The following COL4A5 variants were observed in gnomAD, a reference collection of about 807,000 sequenced individuals.
COL4A5 encodes collagen alpha-5(IV) chain.
COL4A5 carries 26 observed loss-of-function variants against 130.2 expected under a neutral mutation model. The ratio of observed to expected loss-of-function variants is 0.20; its 90% CI spans 0.15 to 0.28. The LOEUF is 0.28. Among genes scored for constraint, COL4A5 ranks in the 10% least tolerant of loss-of-function variants. The probability of loss-of-function intolerance (pLI) is 1.00; values close to 1 mark genes in which losing one functional copy is unlikely to be tolerated. For missense variants in COL4A5, 1,131 were observed against 1,344.3 expected (o/e 0.84, Z 2.48); for synonymous variants, 496 against 439.6 (o/e 1.13, Z -1.60).
At chrX:108,492,372 A>C (rs2065000330) in intron 1 of COL4A5, among the ~76,000 whole-genome samples, 1 of 112,062 alleles carries the variant, frequency 8.9e-6, no homozygotes, top group Non-Finnish European at 1.9e-5. Context: ...AGTTTAGAAA[A>C]AGTCACTAAA....
At chrX:108,640,276 T>TAA (rs2147901988) in intron 36 of COL4A5, among the ~76,000 whole-genome samples, 1 of 111,669 alleles carries the variant, frequency 9.0e-6, no homozygotes, top group African/African-American at 3.2e-5. Context: ...CTAAGTGAAA[T>TAA]AAGCCAGTTA....
intron 28 of COL4A5, among the ~76,000 whole-genome samples, chrX:108,605,300 A>G (rs2066712241): frequency 9.0e-6 from 1 of 111,731 alleles, no homozygotes; most frequent in African/African-American, 3.3e-5. Context: ...TTGTTGTGTT[A>G]TTAATTGGCC....
At chrX:108,526,653 T>TTTC (rs1569481185) in intron 1 of COL4A5, among the ~76,000 whole-genome samples, 9 of 63,193 alleles carry the variant, frequency 1.4e-4, no homozygotes, top group East Asian at 5.3e-4. Flanking sequence ...TCTTTCTTTC[T>TTTC]TTCTTTCTTC....
chrX:108,605,512 T>C (rs1252061273), intron 28 of COL4A5, among the ~76,000 whole-genome samples: 4 of 111,847 alleles, frequency 3.6e-5, no homozygotes, highest in East Asian at 2.8e-4. Context: ...ATAACAGATA[T>C]AATAATAATT....
chrX:108,473,633 A>ATTTTTTT (rs1203616884), intron 1 of COL4A5, among the ~76,000 whole-genome samples: 18 of 34,554 alleles, frequency 5.2e-4, no homozygotes, highest in African/African-American at 1.2e-3. Flanking sequence ...ATATATATAT[A>ATTTTTTT]TTTTTTTTTT....
chrX:108,687,423 T>C, intron 48 of COL4A5, 59 bp from the exon 49 acceptor site: 1 of 973,368 alleles, frequency 1.0e-6, no homozygotes, highest in South Asian at 1.9e-5. Flanking sequence ...TTTGTCAATA[T>C]CCATAAGAGT....
chrX:108,599,078 A>T (rs1265642541), intron 25 of COL4A5, among the ~76,000 whole-genome samples: 1 of 111,288 alleles, frequency 9.0e-6, no homozygotes, highest in African/African-American at 3.3e-5. Flanking sequence ...GTTACTGTTA[A>T]TTTTGCTCTT....
chrX:108,441,857 T>C (rs1452338811), intron 1 of COL4A5, among the ~76,000 whole-genome samples: 1 of 111,994 alleles, frequency 8.9e-6, no homozygotes, highest in Non-Finnish European at 1.9e-5. Flanking sequence ...CAGGTATGTA[T>C]AGCAACACTA....
At chrX:108,562,619 G>T (rs182051108) in intron 3 of COL4A5, among the ~76,000 whole-genome samples, 5,098 of 111,098 alleles carry the variant, frequency 0.046, 270 homozygotes, top group African/African-American at 0.16. Context: ...AAACTTTCAG[G>T]ATTCTGAATT....
intron 2 of COL4A5, among the ~76,000 whole-genome samples, chrX:108,558,159 G>A (rs113000649): frequency 0.1 from 9,894 of 96,692 alleles, 1,238 homozygotes; most frequent in African/African-American, 0.34. Context: ...CCACCTATGA[G>A]TGAGAACATG....
chrX:108,674,777 CTTT>C (rs200814705), intron 43 of COL4A5, 24 bp downstream of exon 43: 1,040 of 967,705 alleles, frequency 1.1e-3, no homozygotes, highest in Admixed American at 3.1e-3. Flanking sequence ...CTGGTCAATT[CTTT>C]TTTTTTTTTT....
At chrX:108,648,269 A>G (rs1451361837) in intron 36 of COL4A5, among the ~76,000 whole-genome samples, 1 of 111,100 alleles carries the variant, frequency 9.0e-6, no homozygotes, top group Non-Finnish European at 1.9e-5. Context: ...TTAAAAAATT[A>G]CCAACAAAAA....
chrX:108,458,867 C>T (rs1280909056), intron 1 of COL4A5, among the ~76,000 whole-genome samples: 1 of 110,805 alleles, frequency 9.0e-6, no homozygotes, highest in African/African-American at 3.3e-5. Flanking sequence ...GTAGTCCCAG[C>T]TACTGGGGAG....
chrX:108,578,914 G>A (rs773484933), intron 13 of COL4A5, among the ~76,000 whole-genome samples: 42 of 110,903 alleles, frequency 3.8e-4, no homozygotes, highest in Middle Eastern at 9.2e-3. Context: ...TCCTGACCTC[G>A]TGATCTGCCC....
intron 1 of COL4A5, among the ~76,000 whole-genome samples, chrX:108,470,261 G>A (rs1202660867): frequency 8.9e-6 from 1 of 112,380 alleles, no homozygotes; most frequent in African/African-American, 3.2e-5. Context: ...TACACCAACG[G>A]TGTACAAGCA....
At chrX:108,451,322 T>C (rs1158138684) in intron 1 of COL4A5, among the ~76,000 whole-genome samples, 1 of 110,731 alleles carries the variant, frequency 9.0e-6, no homozygotes, top group Non-Finnish European at 1.9e-5. Flanking sequence ...CATGTGTCTT[T>C]ATAGCAGCAT....
rs192848379 is a variant in COL4A5 at position 108,495,177 on chromosome X, T to C, written c.82-44569T>C. On this transcript the variant is annotated intron_variant, in intron 1 of 52. Coordinates refer to ENST00000328300, the MANE Select transcript of COL4A5 (RefSeq NM_033380.3). Reference sequence around the variant, plus strand: ...AATTGAGCATCCATAGACAAAAATATGAACCTTGACCTAAGCCTCACACCT... The same window carrying C: ...AATTGAGCATCCATAGACAAAAATACGAACCTTGACCTAAGCCTCACACCT... Among the ~76,000 whole-genome samples the C allele has an allele frequency of 4.5e-5, 5 of 110,981 alleles. No individual in the cohort carries two copies. In the Admixed American group the frequency reaches 4.8e-4, roughly 11 times the overall value.
chrX:108,478,921 G>A (rs770811690), intron 1 of COL4A5, among the ~76,000 whole-genome samples: 1 of 112,149 alleles, frequency 8.9e-6, no homozygotes, highest in African/African-American at 3.2e-5. Context: ...TCACCCCGAG[G>A]AATGGTGCCA....
chrX:108,522,831 C>CTA (rs749682796), intron 1 of COL4A5, among the ~76,000 whole-genome samples: 2 of 104,950 alleles, frequency 1.9e-5, no homozygotes, highest in East Asian at 6.0e-4. Context: ...TGTACTGTTG[C>CTA]TATAATATCT....
Sources: allele counts gnomAD v4.1 joint callset (sites outside exome capture counted in the v4.1 genomes callset), GRCh38; gene constraint gnomAD v4.1.1; transcripts MANE v1.5; gene names NCBI Gene and HGNC (gene_info 2026-07-23, HGNC 2026-07-21).